HFM1: variants seen among roughly 807,000 people sequenced by gnomAD.
HFM1 encodes the protein helicase for meiosis 1.
In HFM1, 169 loss-of-function variants were observed where a neutral mutation model predicts 192.1. That is an observed-to-expected ratio of 0.88 (90% CI 0.78 to 1.00). HFM1 has a LOEUF of 1.00. HFM1 is among the 50% of genes least tolerant of loss of function. The pLI, the probability that HFM1 is intolerant of heterozygous loss-of-function variation, is 0.00. For missense variants in HFM1, 1,661 were observed against 1,668.0 expected (o/e 1.00, Z 0.07); for synonymous variants, 525 against 537.8 (o/e 0.98, Z 0.33).
intron 29 of HFM1, 126 bp downstream of exon 29, chr1:91,313,831 T>G (rs945454572): frequency 8.0e-6 from 4 of 498,988 alleles, no homozygotes; most frequent in African/African-American, 7.9e-5. Flanking sequence ...TTTATTCATA[T>G]TATCTAAATA....
intron 6 of HFM1, among the ~76,000 whole-genome samples, chr1:91,382,883 T>C (rs181015339): frequency 2.0e-4 from 30 of 152,252 alleles, no homozygotes; most frequent in African/African-American, 5.8e-4. Flanking sequence ...ACTGAAATAA[T>C]GGGGAAATGT....
At chr1:91,354,072 A>C in intron 13 of HFM1, among the ~76,000 whole-genome samples, 1 of 151,930 alleles carries the variant, frequency 6.6e-6, no homozygotes. Context: ...ACTCACTGAG[A>C]TACAAGAGAA....
At position 91,370,687 on chromosome 1, in the gene HFM1, G is replaced by A. The variant is rs1382492469; in HGVS notation, c.1685+4671C>T. On this transcript the variant is annotated intron_variant, in intron 13 of 38. Coordinates refer to ENST00000370425, the MANE Select transcript of HFM1 (RefSeq NM_001017975.6). ...TCCCTTTGAAAACTGGCACAAGATA[G>A]GGATGCCCTCTCTCACCACTCCTAT... is the stretch of plus-strand genomic sequence containing the variant. Among the ~76,000 whole-genome samples, 4 of 152,202 alleles carry A rather than the reference G, an allele frequency of 2.6e-5. No homozygotes were observed. In the South Asian group the frequency reaches 8.3e-4, roughly 32 times the overall value.
chr1:91,385,628 C>T lies in HFM1; in HGVS notation c.701G>A (p.Gly234Asp). The T allele has an allele frequency of 3.1e-6, 5 of 1,613,116 alleles. No individual in the cohort carries two copies. The highest frequency in any genetic ancestry group is 3.4e-6 in the Non-Finnish European group (4 of 1,179,284). ...NAFSASEIGE[G>D]MFKAPSFSVA... Reference sequence around the variant, plus strand: ...TGAAAAAGATGGTGCTTTGAACATGCCTTCTCCGATTTCAGAAGCAGAAAA... The same window carrying T: ...TGAAAAAGATGGTGCTTTGAACATGTCTTCTCCGATTTCAGAAGCAGAAAA... Residue 234 changes from glycine (G) to aspartate (D), a missense_variant, in exon 5 of 39, where the codon GGC (glycine) becomes GAC (aspartate). By Grantham distance (94) the Gly-to-Asp change is moderately conservative. Transcript: ENST00000370425.
intron 20 of HFM1, chr1:91,328,605 G>A: frequency 6.2e-7 from 1 of 1,603,782 alleles, no homozygotes; most frequent in Non-Finnish European, 8.5e-7. Context: ...TTCGCGTGAT[G>A]GAGAACGGCA....
intron 30 of HFM1, among the ~76,000 whole-genome samples, chr1:91,302,107 A>G (rs1443491675): frequency 4.0e-5 from 6 of 150,288 alleles, no homozygotes; most frequent in Admixed American, 1.3e-4. Context: ...ACCCCATCAA[A>G]AAGTGGTTCG....
At chr1:91,299,671 C>T (rs1308079316) in intron 30 of HFM1, among the ~76,000 whole-genome samples, 1 of 152,198 alleles carries the variant, frequency 6.6e-6, no homozygotes, top group Admixed American at 6.5e-5. Context: ...GAACATCCTG[C>T]TCCTGAATGA....
chr1:91,325,152 T>C (rs1652700494), intron 20 of HFM1, among the ~76,000 whole-genome samples: 1 of 152,162 alleles, frequency 6.6e-6, no homozygotes, highest in Non-Finnish European at 1.5e-5. Context: ...CCTGGCAGCA[T>C]TCACTATAAG....
At chr1:91,338,523 C>T (rs1405245055) in intron 20 of HFM1, among the ~76,000 whole-genome samples, 1 of 152,168 alleles carries the variant, frequency 6.6e-6, no homozygotes, top group Non-Finnish European at 1.5e-5. Flanking sequence ...CCAGCAGATG[C>T]CACTGAACCA....
chr1:91,369,169 T>C (rs1331434613), intron 13 of HFM1, among the ~76,000 whole-genome samples: 1 of 152,176 alleles, frequency 6.6e-6, no homozygotes, highest in African/African-American at 2.4e-5. Context: ...CACACCCCAC[T>C]GTCAACATTA....
At chr1:91,263,561 G>C (rs1665370719) in intron 36 of HFM1, among the ~76,000 whole-genome samples, 1 of 151,762 alleles carries the variant, frequency 6.6e-6, no homozygotes. Context: ...AGTCAACATA[G>C]CAAGACCCCC....
intron 1 of HFM1, 31 bp from the exon 2 acceptor site, chr1:91,401,140 T>C (rs774654419): frequency 1.1e-5 from 10 of 943,244 alleles, no homozygotes; most frequent in African/African-American, 5.3e-5. Flanking sequence ...AGTTTATATT[T>C]TATTTATAAA....
rs570624970 is a variant in HFM1 at position 91,392,037 on chromosome 1, C to T, written c.494+2056G>A. ...GCCATCAGAGAAATGAAAATCAAAA[C>T]CACAATGAGATACCATCTCACACCA... On this transcript the variant is annotated intron_variant, in intron 4 of 38. Coordinates refer to ENST00000370425, the MANE Select transcript of HFM1 (RefSeq NM_001017975.6). Among the ~76,000 whole-genome samples the T allele has an allele frequency of 4.6e-5, 7 of 152,248 alleles. No individual in the cohort carries two copies. The South Asian group carries it at 1.2e-3, about 27-fold the overall frequency.
At chr1:91,314,402 T>C (rs959938135) in intron 28 of HFM1, among the ~76,000 whole-genome samples, 4 of 152,130 alleles carry the variant, frequency 2.6e-5, no homozygotes, top group African/African-American at 9.7e-5. Flanking sequence ...CACAGGCACA[T>C]TGGCACTATG....
chr1:91,396,782 G>C (rs756866567), intron 2 of HFM1, among the ~76,000 whole-genome samples: 2 of 152,084 alleles, frequency 1.3e-5, no homozygotes, highest in Non-Finnish European at 1.5e-5. Flanking sequence ...AACTAATCAC[G>C]GGTCATCAAT....
At chr1:91,367,962 C>G (rs1659609930) in intron 13 of HFM1, among the ~76,000 whole-genome samples, 1 of 152,096 alleles carries the variant, frequency 6.6e-6, no homozygotes, top group Admixed American at 6.5e-5. Flanking sequence ...AATGCACAAG[C>G]CTCAGTAGCC....
At chr1:91,365,188 G>C (rs528786826) in intron 13 of HFM1, among the ~76,000 whole-genome samples, 1 of 152,224 alleles carries the variant, frequency 6.6e-6, no homozygotes, top group African/African-American at 2.4e-5. Context: ...GTAGTTATCA[G>C]AGGCAGGAAG....
chr1:91,290,237 T>G (rs552197173), intron 30 of HFM1, among the ~76,000 whole-genome samples: 21 of 152,284 alleles, frequency 1.4e-4, no homozygotes, highest in African/African-American at 3.4e-4. Flanking sequence ...AATGCTCCAA[T>G]TAAAAGACAC....
At chr1:91,361,298 A>C (rs1658472285) in intron 13 of HFM1, among the ~76,000 whole-genome samples, 1 of 152,206 alleles carries the variant, frequency 6.6e-6, no homozygotes, top group African/African-American at 2.4e-5. Flanking sequence ...CAATATATAG[A>C]CTGCTAGCTA....
Sources: gnomAD v4.1 joint callset for allele counts (sites outside exome capture counted in the v4.1 genomes callset) on GRCh38, gnomAD v4.1.1 for gene constraint, MANE v1.5 for transcripts, NCBI Gene and HGNC (gene_info 2026-07-23, HGNC 2026-07-21) for gene names.